CFAP96: variants seen among roughly 807,000 people sequenced by gnomAD.
CFAP96 encodes the protein cilia and flagella associated protein 96.
chr4:185,444,816 G>C, the CFAP96 span: 1 of 655,966 alleles, frequency 1.5e-6, no homozygotes, highest in Admixed American at 3.0e-5. Flanking sequence ...GTGGTAGGGA[G>C]ACCTTTTGGT....
chr4:185,449,115 T>C, the CFAP96 span, among the ~76,000 whole-genome samples: 1 of 152,230 alleles, frequency 6.6e-6, no homozygotes, highest in African/African-American at 2.4e-5. Context: ...TAAGTATATA[T>C]GGCTTTAATA....
chr4:185,442,134 T>C, the CFAP96 span, among the ~76,000 whole-genome samples: 1 of 152,148 alleles, frequency 6.6e-6, no homozygotes, highest in Non-Finnish European at 1.5e-5. Context: ...TTATATTTAA[T>C]AGTAAGTGGT....
the CFAP96 span, among the ~76,000 whole-genome samples, chr4:185,448,196 T>A: frequency 4.6e-5 from 7 of 152,060 alleles, no homozygotes; most frequent in African/African-American, 1.7e-4. Context: ...AATTTTTGTA[T>A]TTTTAGTAGA....
At chr4:185,418,117 T>C in the CFAP96 span, among the ~76,000 whole-genome samples, 1 of 150,936 alleles carries the variant, frequency 6.6e-6, no homozygotes, top group African/African-American at 2.5e-5. Flanking sequence ...ATTTACTATT[T>C]GTCTTATGTG....
At chr4:185,421,247 T>C in the CFAP96 span, among the ~76,000 whole-genome samples, 4 of 152,212 alleles carry the variant, frequency 2.6e-5, no homozygotes, top group Admixed American at 2.6e-4. Flanking sequence ...AAGAATATTC[T>C]GCACCCTCTC....
the CFAP96 span, among the ~76,000 whole-genome samples, chr4:185,419,222 C>G: frequency 2.0e-5 from 3 of 152,222 alleles, no homozygotes; most frequent in South Asian, 6.2e-4. Flanking sequence ...AGCTCCGCCT[C>G]CCGGGTTCAC....
chr4:185,409,261 G>A, the CFAP96 span, among the ~76,000 whole-genome samples: 1 of 152,124 alleles, frequency 6.6e-6, no homozygotes, highest in African/African-American at 2.4e-5. Context: ...TAAGTTAAGG[G>A]TCAAAAAATA....
chr4:185,418,535 A>G, the CFAP96 span: 2 of 1,609,908 alleles, frequency 1.2e-6, no homozygotes. Flanking sequence ...AGACATTTAT[A>G]ATATGAAATG....
At chr4:185,449,694 A>G in the CFAP96 span, 91 of 1,236,058 alleles carry the variant, frequency 7.4e-5, 1 homozygote, top group South Asian at 1.2e-3. Flanking sequence ...GTAATTCACT[A>G]TCAAGAGCTA....
chr4:185,436,220 T>C, the CFAP96 span: 9 of 1,544,240 alleles, frequency 5.8e-6, no homozygotes, highest in East Asian at 2.2e-4. Context: ...ATCGTTTGTT[T>C]TGAAATTTAA....
the CFAP96 span, among the ~76,000 whole-genome samples, chr4:185,412,506 G>A: frequency 2.0e-5 from 3 of 152,170 alleles, no homozygotes; most frequent in South Asian, 2.1e-4. Context: ...GCCACCATAC[G>A]ATAGCCAAGT....
chr4:185,439,689 G>C, the CFAP96 span, among the ~76,000 whole-genome samples: 1 of 150,050 alleles, frequency 6.7e-6, no homozygotes, highest in African/African-American at 2.4e-5. Flanking sequence ...CATGACTGCT[G>C]CTTTGCTTTG....
the CFAP96 span, chr4:185,415,222 T>C: frequency 3.7e-6 from 6 of 1,608,534 alleles, no homozygotes; most frequent in East Asian, 4.5e-5. Flanking sequence ...AAGATTTTTT[T>C]TCCCTGGTAA....
chr4:185,434,754 T>G, the CFAP96 span, among the ~76,000 whole-genome samples: 1 of 151,770 alleles, frequency 6.6e-6, no homozygotes, highest in Non-Finnish European at 1.5e-5. Flanking sequence ...TATTTATTTT[T>G]GTGAGATGGA....
the CFAP96 span, among the ~76,000 whole-genome samples, chr4:185,428,299 C>A: frequency 6.6e-6 from 1 of 151,858 alleles, no homozygotes; most frequent in African/African-American, 2.4e-5. Flanking sequence ...TCTGGCCGGG[C>A]GCGGTGGCTC....
the CFAP96 span, chr4:185,444,828 G>A: frequency 1.7e-4 from 123 of 711,394 alleles, no homozygotes; most frequent in South Asian, 1.7e-3. Context: ...CCTTTTGGTG[G>A]TATTTGAATT....
the CFAP96 span, among the ~76,000 whole-genome samples, chr4:185,444,735 T>A: frequency 6.6e-6 from 1 of 152,216 alleles, no homozygotes; most frequent in Non-Finnish European, 1.5e-5. Flanking sequence ...GTTTAGACTG[T>A]TACCTTACTA....
At chr4:185,429,512 G>C in the CFAP96 span, 2 of 1,502,656 alleles carry the variant, frequency 1.3e-6, no homozygotes, top group Non-Finnish European at 1.8e-6. Flanking sequence ...CAATTTAATC[G>C]TAAGTATATT....
the CFAP96 span, among the ~76,000 whole-genome samples, chr4:185,416,256 G>A: frequency 6.6e-6 from 1 of 152,152 alleles, no homozygotes; most frequent in African/African-American, 2.4e-5. Flanking sequence ...TTAAAGCCAC[G>A]CATAGGTTCA....
Sources: gnomAD v4.1 joint callset for allele counts (sites outside exome capture counted in the v4.1 genomes callset) on GRCh38, gnomAD v4.1.1 for gene constraint, MANE v1.5 for transcripts, NCBI Gene and HGNC (gene_info 2026-07-23, HGNC 2026-07-21) for gene names.